Variants in CILP2 observed in about 807,000 individuals in gnomAD.
The protein encoded by CILP2 is cartilage intermediate layer protein 2.
A neutral mutation model predicts 45.6 loss-of-function variants in CILP2; 38 were observed. That is an observed-to-expected ratio of 0.83 (90% CI 0.64 to 1.09). CILP2 has a LOEUF of 1.09. Ranked by LOEUF, CILP2 falls within the 50% of genes least tolerant of loss-of-function variation. The pLI is 0.00. For synonymous variants in CILP2, 780 were observed against 723.5 expected (o/e 1.08, Z -1.25); for missense variants, 1,735 against 1,662.2 (o/e 1.04, Z -0.76).
Position 19,544,622 on chromosome 19 carries a change from GA to G in CILP2, c.2078del (p.Glu693GlyfsTer47). 1 of 1,569,516 alleles carries G rather than the reference GA, an allele frequency of 6.4e-7. No homozygotes were observed. Among genetic ancestry groups the G allele is most frequent in the Non-Finnish European group, 8.6e-7 (1 of 1,164,628 alleles). On this transcript the variant is annotated frameshift_variant, in exon 8 of 8. Transcript: ENST00000291495. LOFTEE classifies it low-confidence loss of function (END_TRUNC). The stretch of plus-strand genomic sequence containing the variant: ...GAACCCCGAGACCGGCTTGTGGGAG[GA>G]GGAGAGCGGCTTCCGGCGCGAGGGG... ...SLNPETGLWE[E>X]ESGFRREGSS...
intron 2 of CILP2, 90 bp from the exon 3 acceptor site, chr19:19,540,114 A>G: frequency 7.2e-7 from 1 of 1,382,556 alleles, no homozygotes; most frequent in Non-Finnish European, 9.4e-7. Context: ...CCACCGGGGG[A>G]GGGGGCTGAG....
chr19:19,540,524 C>T, intron 3 of CILP2, 48 bp downstream of exon 3: 1 of 713,662 alleles, frequency 1.4e-6, no homozygotes, highest in South Asian at 3.9e-5. Flanking sequence ...ATGGGCGGGG[C>T]TGGCGAACGC....
intron 1 of CILP2, among the ~76,000 whole-genome samples, chr19:19,538,993 A>T (rs893536223): frequency 1.3e-5 from 2 of 152,180 alleles, no homozygotes; most frequent in Non-Finnish European, 2.9e-5. Flanking sequence ...GGCCAAGTGG[A>T]TGAGGGGGAG....
At position 19,544,222 on chromosome 19, in the gene CILP2, G is replaced by A. The variant is rs548226283; in HGVS notation, c.1677G>A (p.Pro559=). The change falls in exon 8 of 8, where the codon CCG becomes CCA. Residue 559 remains proline, a synonymous_variant. Coordinates refer to ENST00000291495, the MANE Select transcript of CILP2 (RefSeq NM_153221.2). ...TCAAGGCCATGCGGAAGAAAGCCCCGGTCATTTTACATACCAGCCAGAGCA... is the reference window on the plus strand; with the variant it reads ...TCAAGGCCATGCGGAAGAAAGCCCCAGTCATTTTACATACCAGCCAGAGCA... ...HEVKAMRKKA[P]VILHTSQSNT... is the part of the protein sequence containing the mutation. 5 of 1,613,950 alleles carry A rather than the reference G, an allele frequency of 3.1e-6. No individual in the cohort carries two copies. Among genetic ancestry groups the A allele is most frequent in the Admixed American group, 3.3e-5 (2 of 60,028 alleles).
rs777328980 is a variant in CILP2 at position 19,540,358 on chromosome 19, G to A, written c.318G>A (p.Pro106=). 9 of 1,549,644 alleles carry A rather than the reference G, an allele frequency of 5.8e-6. No individual in the cohort carries two copies. The East Asian group carries it at 9.7e-5, about 17-fold the overall frequency. The part of the protein sequence containing the change: ...LEARTTDWAL[P]SAVGERVHLN... ...CGCGCACCACGGACTGGGCCCTGCC[G>A]TCCGCCGTCGGCGAGCGCGTGCACT... is the stretch of plus-strand genomic sequence containing the variant. Residue 106 remains proline (P), a synonymous_variant, in exon 3 of 8, where the codon CCG becomes CCA. Transcript: ENST00000291495.
In CILP2 at chr19:19,544,735, C is replaced by T. The variant is rs1418371086; in HGVS notation, c.2190C>T (p.Asp730=). 8 of 1,603,260 alleles carry T rather than the reference C, an allele frequency of 5.0e-6. No individual in the cohort carries two copies. In the South Asian group the frequency reaches 7.7e-5, roughly 15 times the overall value. The change falls in exon 8 of 8, where the codon GAC becomes GAT. Residue 730 remains aspartate, a synonymous_variant. Coordinates refer to ENST00000291495, the MANE Select transcript of CILP2 (RefSeq NM_153221.2). ...EIRERRLFNL[D]VPERRRCFVK... is the part of the protein sequence containing the mutation. ...GGGAGCGGCGCCTGTTCAATCTGGACGTGCCTGAGCGCCGCCGCTGCTTCG... is the reference window on the plus strand; with the variant it reads ...GGGAGCGGCGCCTGTTCAATCTGGATGTGCCTGAGCGCCGCCGCTGCTTCG...
chr19:19,546,024 A>G lies in CILP2; in HGVS notation c.*8A>G. 3 of 1,451,524 alleles carry G rather than the reference A, an allele frequency of 2.1e-6. No homozygotes were observed. Among genetic ancestry groups the G allele is most frequent in the Non-Finnish European group, 2.7e-6 (3 of 1,104,824 alleles). The allele number at this position is 1,451,524 out of a possible 1,614,324, so 89.9% of individuals were successfully genotyped here. A position where few individuals can be genotyped will look rare whatever the true frequency, so the allele number is the denominator to read the frequency against. On this transcript the variant is annotated 3_prime_UTR_variant, in exon 8 of 8. Transcript: ENST00000291495. ...GGTAGGGTCCGGCAGTGACCTGGGC[A>G]GGGGCCTCGCTTTCCCACCTCCCTC...
intron 2 of CILP2, 103 bp from the exon 3 acceptor site, chr19:19,540,101 T>C: frequency 7.3e-7 from 1 of 1,373,054 alleles, no homozygotes; most frequent in East Asian, 2.7e-5. Context: ...GGCTAGCCGG[T>C]GCCCACCGGG....
In CILP2 at chr19:19,540,467, T is replaced by A; in HGVS notation, c.427T>A (p.Cys143Ser). Residue 143 changes from cysteine to serine, a missense_variant, in exon 3 of 8, where the codon TGC (cysteine) becomes AGC (serine). Cys to Ser is a moderately radical substitution (Grantham distance 112). Coordinates refer to ENST00000291495, the MANE Select transcript of CILP2 (RefSeq NM_153221.2). ...CTCCAACTACCACGTGCGCTTCCGC[T>A]GCCCACTAGGTGAGGGCGGGGCTGG... The part of the protein sequence containing the change: ...RCSNYHVRFR[C>S]PLEASWGAWG... 3 of 1,208,696 alleles carry A rather than the reference T, an allele frequency of 2.5e-6. No individual in the cohort carries two copies. Among genetic ancestry groups the A allele is most frequent in the Non-Finnish European group, 1.0e-6 (1 of 954,740 alleles). 74.9% of individuals were successfully genotyped at this position (1,208,696 alleles called of 1,614,324 possible). A position where few individuals can be genotyped will look rare whatever the true frequency, so the allele number is the denominator to read the frequency against.
At chr19:19,539,014 G>A (rs2061232826) in intron 1 of CILP2, among the ~76,000 whole-genome samples, 1 of 152,244 alleles carries the variant, frequency 6.6e-6, no homozygotes, top group African/African-American at 2.4e-5. Context: ...CCCAGCCTGA[G>A]GGCAGAGGCA....
chr19:19,542,269 G>A, intron 4 of CILP2, 106 bp from the exon 5 acceptor site: 1 of 1,332,070 alleles, frequency 7.5e-7, no homozygotes, highest in Admixed American at 2.4e-5. Flanking sequence ...GGCACCTTAT[G>A]GGGGGGCCCC....
Position 19,542,498 on chromosome 19 carries a change from C to G in CILP2, c.716C>G (p.Thr239Ser). 6.2e-7 allele frequency: 1 copy of G among 1,613,912 alleles called. No individual in the cohort carries two copies. ...SLRDQPGTVA[T>S]SDAHGTFRVP... ...CGAGACCAGCCTGGCACTGTGGCCA[C>G]CAGCGATGCTCACGGAACCTTCCGG... Residue 239 changes from threonine to serine, a missense_variant, in exon 5 of 8, where the codon ACC (threonine) becomes AGC (serine). By Grantham distance (58) the Thr-to-Ser change is moderately conservative (BLOSUM62 1). Transcript: ENST00000291495.
At chr19:19,538,891 C>A (rs1314629669) in intron 1 of CILP2, among the ~76,000 whole-genome samples, 2 of 152,238 alleles carry the variant, frequency 1.3e-5, no homozygotes, top group Non-Finnish European at 2.9e-5. Context: ...CAGCTCCTAT[C>A]TTGGAGAAGC....
At chr19:19,540,962 C>G (rs1266949140) in intron 3 of CILP2, 129 bp from the exon 4 acceptor site, 4 of 885,698 alleles carry the variant, frequency 4.5e-6, no homozygotes, top group Non-Finnish European at 6.0e-6. Context: ...GATCTGCTCT[C>G]TGGAGTGTCC....
chr19:19,545,191 C>T lies in CILP2; in HGVS notation c.2646C>T (p.Arg882=), dbSNP rs1568370528. 1 of 1,612,602 alleles carries T rather than the reference C, an allele frequency of 6.2e-7. No individual in the cohort carries two copies. The highest frequency in any genetic ancestry group is 8.5e-7 in the Non-Finnish European group (1 of 1,179,850). Residue 882 remains arginine, a synonymous_variant, in exon 8 of 8, where the codon CGC becomes CGT. Transcript: ENST00000291495. ...CCAATGGGCCTGTGTACCCGTGGCG[C>T]AGCCTGCGGGAATGCCAGGGGGCCC... ...AEANGPVYPW[R]SLRECQGAPV... is the part of the protein sequence containing the mutation.
intron 4 of CILP2, 81 bp downstream of exon 4, chr19:19,541,327 G>A (rs564574413): frequency 2.5e-4 from 297 of 1,188,934 alleles, no homozygotes; most frequent in Non-Finnish European, 3.1e-4. Flanking sequence ...GGGAGAGAGG[G>A]TGGAGTTAGA....
At chr19:19,543,128 C>CA (rs2061250464) in intron 6 of CILP2, 120 bp from the exon 7 acceptor site, 2 of 1,146,626 alleles carry the variant, frequency 1.7e-6, no homozygotes, top group Non-Finnish European at 2.5e-6. Context: ...TGAATGGGGC[C>CA]AGTCTTGCTG....
Position 19,540,319 on chromosome 19 carries a change from G to A in CILP2, c.279G>A (p.Pro93=), listed in dbSNP as rs750400983. The A allele has an allele frequency of 4.4e-6, 7 of 1,578,694 alleles. No homozygotes were observed. The East Asian group carries it at 1.2e-4, about 26-fold the overall frequency. Residue 93 remains proline (P), a synonymous_variant, in exon 3 of 8, where the codon CCG becomes CCA. Coordinates refer to ENST00000291495, the MANE Select transcript of CILP2 (RefSeq NM_153221.2). ...YYGPARVCPR[P]LALEARTTDW... is the part of the protein sequence containing the mutation. ...GGCCAGCGCGCGTGTGCCCGCGACC[G>A]CTGGCGCTGGAAGCGCGCACCACGG...
chr19:19,539,762 C>T lies in CILP2; in HGVS notation c.148C>T (p.Leu50=). The change falls in exon 2 of 8, where the codon CTG becomes TTG. Residue 50 remains leucine, a synonymous_variant. Coordinates refer to ENST00000291495, the MANE Select transcript of CILP2 (RefSeq NM_153221.2). The part of the protein sequence containing the change: ...SVYTGQPSPA[L]EDWEEASEWT... ...GTACACCGGCCAGCCCTCACCAGCC[C>T]TGGAGGACTGGGAAGGTGAGTTAGC... The T allele has an allele frequency of 6.3e-7, 1 of 1,595,478 alleles. No homozygotes were observed. The highest frequency in any genetic ancestry group is 8.6e-7 in the Non-Finnish European group (1 of 1,169,526).
Sources: gnomAD v4.1 joint callset for allele counts (sites outside exome capture counted in the v4.1 genomes callset) on GRCh38, gnomAD v4.1.1 for gene constraint, MANE v1.5 for transcripts, NCBI Gene and HGNC (gene_info 2026-07-23, HGNC 2026-07-21) for gene names.